The following BTBD9 variants were observed in gnomAD, a reference collection of about 807,000 sequenced individuals.
BTBD9 encodes BTB domain containing 9.
In BTBD9, 49 loss-of-function variants were observed where a neutral mutation model predicts 64.3. The observed-to-expected ratio is 0.76, with a 90% CI of 0.61 to 0.97. The LOEUF (loss-of-function observed/expected upper bound fraction) is 0.97. Among genes scored for constraint, BTBD9 ranks in the 50% least tolerant of loss-of-function variants. The pLI, the probability that BTBD9 is intolerant of heterozygous loss-of-function variation, is 0.00. For synonymous variants in BTBD9, 260 were observed against 274.7 expected (o/e 0.95, Z 0.53); for missense variants, 598 against 762.1 (o/e 0.78, Z 2.53).
At chr6:38,334,410 A>G (rs1763800243) in intron 7 of BTBD9, among the ~76,000 whole-genome samples, 1 of 152,060 alleles carries the variant, frequency 6.6e-6, no homozygotes, top group Admixed American at 6.6e-5. Flanking sequence ...AAATACAAAA[A>G]TTAGCCAGGC....
At chr6:38,219,035 A>G (rs894932822) in intron 9 of BTBD9, among the ~76,000 whole-genome samples, 10 of 151,866 alleles carry the variant, frequency 6.6e-5, no homozygotes, top group African/African-American at 2.4e-4. Context: ...TCTAGCAAGG[A>G]GCAATACAGC....
chr6:38,344,986 A>G lies in BTBD9; in HGVS notation c.1262T>C (p.Ile421Thr), dbSNP rs747900308. ...NKTFTLEKGLIVPMENVATIA... is the reference protein window; with the variant it reads ...NKTFTLEKGLTVPMENVATIA... Reference sequence around the variant, plus strand: ...AAAAATCTAATGGTAATACTTACCTATCAGCCCCTTCTCAAGAGTGAAGGT... The same window carrying G: ...AAAAATCTAATGGTAATACTTACCTGTCAGCCCCTTCTCAAGAGTGAAGGT... Residue 421 changes from isoleucine (I) to threonine (T), a missense_variant and splice_region_variant, in exon 7 of 11, where the codon ATA becomes ACA. Physicochemically the swap from Ile to Thr is moderately conservative, Grantham distance 89. Coordinates refer to ENST00000481247, the MANE Select transcript of BTBD9 (RefSeq NM_001099272.2). 6.3e-6 allele frequency: 10 copies of G among 1,583,664 alleles called. No individual in the cohort carries two copies. The African/African-American group carries it at 1.3e-4, about 21-fold the overall frequency.
intron 8 of BTBD9, among the ~76,000 whole-genome samples, chr6:38,266,610 GA>G (rs1199079862): frequency 1.1e-3 from 4 of 3,636 alleles, no homozygotes; most frequent in African/African-American, 2.9e-3. Context: ...AGAAAGGAAA[GA>G]AAGAAAGAAA....
intron 9 of BTBD9, among the ~76,000 whole-genome samples, chr6:38,214,596 G>C (rs1472788432): frequency 2.0e-5 from 3 of 152,172 alleles, no homozygotes; most frequent in Admixed American, 2.0e-4. Flanking sequence ...AAACAGGGAG[G>C]AGGAGGCTGC....
At chr6:38,571,128 C>A (rs926282062) in intron 6 of BTBD9, among the ~76,000 whole-genome samples, 50 of 152,162 alleles carry the variant, frequency 3.3e-4, no homozygotes, top group Admixed American at 1.8e-3. Context: ...AATCCTGTTT[C>A]TTTTACATCT....
intron 9 of BTBD9, among the ~76,000 whole-genome samples, chr6:38,251,783 T>C (rs989920396): frequency 4.6e-5 from 7 of 151,504 alleles, no homozygotes; most frequent in African/African-American, 7.3e-5. Flanking sequence ...TCTCAACTAC[T>C]TGGGAGACTG....
At chr6:38,543,904 C>T (rs928233600) in intron 6 of BTBD9, among the ~76,000 whole-genome samples, 3 of 151,332 alleles carry the variant, frequency 2.0e-5, no homozygotes, top group Non-Finnish European at 2.9e-5. Flanking sequence ...TTGCAGTGAG[C>T]CGAGATCGCG....
rs79914672 is a variant in BTBD9, at chr6:38,217,863, C to A, written c.1563-25266G>T. Among the ~76,000 whole-genome samples the A allele has an allele frequency of 3.9e-3, 591 of 152,168 alleles. 3 individuals carry two copies. Among genetic ancestry groups the A allele is most frequent in the African/African-American group, 0.013 (542 of 41,518 alleles). On this transcript the variant is annotated intron_variant, in intron 9 of 10. Transcript: ENST00000481247. ...CTGCGCAAGTCAAACGAGGCAGAGG[C>A]TGGCAGAGGCTGCTGTAAACTATCC...
At chr6:38,413,105 T>A (rs1050680772) in intron 6 of BTBD9, among the ~76,000 whole-genome samples, 20 of 152,044 alleles carry the variant, frequency 1.3e-4, no homozygotes, top group African/African-American at 4.3e-4. Flanking sequence ...TCCATCTCCA[T>A]CCTTTCCTTC....
intron 6 of BTBD9, among the ~76,000 whole-genome samples, chr6:38,364,081 A>T (rs1765090127): frequency 6.6e-6 from 1 of 152,214 alleles, no homozygotes. Context: ...ACACAACATT[A>T]GAGAAAATGC....
intron 6 of BTBD9, among the ~76,000 whole-genome samples, chr6:38,486,195 T>C (rs1302420033): frequency 6.6e-6 from 1 of 152,238 alleles, no homozygotes. Flanking sequence ...GCTTTGGCTT[T>C]AGGGAATGTT....
intron 6 of BTBD9, among the ~76,000 whole-genome samples, chr6:38,471,173 T>C (rs1287261774): frequency 6.6e-6 from 1 of 152,212 alleles, no homozygotes; most frequent in Non-Finnish European, 1.5e-5. Flanking sequence ...TTTATAAAAA[T>C]GGCTATCAAA....
chr6:38,460,780 C>T (rs935907060), intron 6 of BTBD9, among the ~76,000 whole-genome samples: 1 of 152,110 alleles, frequency 6.6e-6, no homozygotes, highest in African/African-American at 2.4e-5. Flanking sequence ...CCTGCCATCA[C>T]GCCCGGCTAA....
chr6:38,546,250 C>T (rs755380462), intron 6 of BTBD9, among the ~76,000 whole-genome samples: 3 of 152,142 alleles, frequency 2.0e-5, no homozygotes, highest in Non-Finnish European at 4.4e-5. Flanking sequence ...TCTACAAGGA[C>T]AAGAATGAGG....
chr6:38,425,960 A>C (rs865830619), intron 6 of BTBD9, among the ~76,000 whole-genome samples: 11 of 151,234 alleles, frequency 7.3e-5, no homozygotes, highest in African/African-American at 2.4e-4. Context: ...ACACACACAA[A>C]CAAAAGCAAG....
intron 8 of BTBD9, among the ~76,000 whole-genome samples, chr6:38,264,875 G>C (rs1764918158): frequency 6.6e-6 from 1 of 152,194 alleles, no homozygotes; most frequent in African/African-American, 2.4e-5. Flanking sequence ...TGCCACTGCA[G>C]AGGCCTGCCT....
At chr6:38,242,227 C>T (rs1764015889) in intron 9 of BTBD9, among the ~76,000 whole-genome samples, 1 of 152,178 alleles carries the variant, frequency 6.6e-6, no homozygotes, top group African/African-American at 2.4e-5. Context: ...GTCCCAGGCA[C>T]AACATGAGCC....
At chr6:38,479,125 G>A (rs957324038) in intron 6 of BTBD9, among the ~76,000 whole-genome samples, 3 of 152,184 alleles carry the variant, frequency 2.0e-5, no homozygotes, top group Admixed American at 2.0e-4. Flanking sequence ...CAACACCACA[G>A]GAGGAGAGAT....
intron 9 of BTBD9, among the ~76,000 whole-genome samples, chr6:38,234,107 G>A (rs548826202): frequency 6.6e-6 from 1 of 152,354 alleles, no homozygotes; most frequent in African/African-American, 2.4e-5. Flanking sequence ...ATTTTAGAAG[G>A]AAAAGACTAA....
Sources: gnomAD v4.1 joint callset for allele counts (sites outside exome capture counted in the v4.1 genomes callset) on GRCh38, gnomAD v4.1.1 for gene constraint, MANE v1.5 for transcripts, NCBI Gene and HGNC (gene_info 2026-07-23, HGNC 2026-07-21) for gene names.